NTM: variants seen among roughly 807,000 people sequenced by gnomAD.
NTM encodes IgLON family member 2.
Under a neutral mutation model 42.1 loss-of-function variants are expected in NTM, and 13 were observed. The observed-to-expected ratio is 0.31, with a 90% CI of 0.20 to 0.49. The LOEUF (loss-of-function observed/expected upper bound fraction) is 0.49, where lower values mean the gene tolerates loss of function less well. NTM is among the 20% of genes least tolerant of loss of function. The pLI, the probability that NTM is intolerant of heterozygous loss-of-function variation, is 0.99. For missense variants in NTM, 373 were observed against 452.8 expected (o/e 0.82, Z 1.60); for synonymous variants, 187 against 179.2 (o/e 1.04, Z -0.35).
intron 2 of NTM, among the ~76,000 whole-genome samples, chr11:132,132,979 C>T (rs2067106512): frequency 6.6e-6 from 1 of 152,188 alleles, no homozygotes; most frequent in East Asian, 1.9e-4. Context: ...CAAAATCTTA[C>T]AATCCACTCA....
intron 2 of NTM, among the ~76,000 whole-genome samples, chr11:131,934,805 T>G (rs1207810438): frequency 6.6e-6 from 1 of 152,162 alleles, no homozygotes; most frequent in Non-Finnish European, 1.5e-5. Flanking sequence ...GACCCCTGTG[T>G]GTGCAGCAGC....
intron 1 of NTM, among the ~76,000 whole-genome samples, chr11:131,648,798 A>G (rs1207031982): frequency 6.6e-6 from 1 of 152,222 alleles, no homozygotes; most frequent in Non-Finnish European, 1.5e-5. Flanking sequence ...TTTCCTCACT[A>G]TACTTACTAA....
intron 1 of NTM, among the ~76,000 whole-genome samples, chr11:131,486,271 G>A (rs1954164738): frequency 6.6e-6 from 1 of 152,182 alleles, no homozygotes; most frequent in Non-Finnish European, 1.5e-5. Context: ...GGGGGTGGTT[G>A]TAGCTTTGCT....
chr11:132,177,993 AG>A (rs555297653), intron 3 of NTM, among the ~76,000 whole-genome samples: 228 of 152,350 alleles, frequency 1.5e-3, no homozygotes, highest in African/African-American at 5.1e-3. Context: ...ACATGACAAA[AG>A]AAATGGAAAA....
chr11:132,299,729 G>T (rs182073112), intron 4 of NTM, among the ~76,000 whole-genome samples: 173 of 152,264 alleles, frequency 1.1e-3, no homozygotes, highest in African/African-American at 4.0e-3. Flanking sequence ...ACTGTGTGAG[G>T]TCTGTCCTGC....
intron 2 of NTM, among the ~76,000 whole-genome samples, chr11:132,083,300 T>G (rs546337758): frequency 1.3e-5 from 2 of 152,364 alleles, no homozygotes; most frequent in South Asian, 4.1e-4. Flanking sequence ...CTTATTTTTG[T>G]TAAAAACAAA....
chr11:131,687,115 C>T (rs1013355019), intron 1 of NTM, among the ~76,000 whole-genome samples: 84 of 152,318 alleles, frequency 5.5e-4, no homozygotes, highest in East Asian at 1.9e-4. Flanking sequence ...CAGGTCAGGG[C>T]TCAGTCCCAG....
intron 1 of NTM, among the ~76,000 whole-genome samples, chr11:131,412,267 C>A (rs905108899): frequency 2.0e-5 from 3 of 152,092 alleles, no homozygotes; most frequent in Non-Finnish European, 4.4e-5. Context: ...ACGGACTCAG[C>A]AGGTTAGGAC....
intron 2 of NTM, among the ~76,000 whole-genome samples, chr11:131,999,099 C>A (rs1032003684): frequency 2.6e-5 from 4 of 152,118 alleles, no homozygotes; most frequent in Non-Finnish European, 5.9e-5. Context: ...GGAAGTTTAA[C>A]CATTACCATC....
At chr11:131,475,751 G>T (rs924536671) in intron 1 of NTM, among the ~76,000 whole-genome samples, 4 of 152,158 alleles carry the variant, frequency 2.6e-5, no homozygotes, top group African/African-American at 4.8e-5. Context: ...GGGATTTTAT[G>T]AGATGAGCCA....
chr11:131,911,441 C>T (rs200958909), intron 1 of NTM, 123 bp from the exon 2 acceptor site: 6 of 1,613,306 alleles, frequency 3.7e-6, no homozygotes, highest in South Asian at 1.1e-5. Context: ...GGGCGTGTGC[C>T]GTGCGGCTGC....
intron 2 of NTM, among the ~76,000 whole-genome samples, chr11:132,112,962 T>G (rs2063418239): frequency 6.6e-6 from 1 of 152,178 alleles, no homozygotes; most frequent in African/African-American, 2.4e-5. Context: ...GGAAGATATC[T>G]GAATTCCTGC....
intron 8 of NTM, among the ~76,000 whole-genome samples, chr11:132,333,464 G>A (rs936665637): frequency 1.3e-5 from 2 of 152,162 alleles, no homozygotes; most frequent in African/African-American, 4.8e-5. Context: ...GGTTTCTGTG[G>A]ACACATAGTA....
intron 1 of NTM, among the ~76,000 whole-genome samples, chr11:131,909,014 G>A (rs2054282568): frequency 6.6e-6 from 1 of 152,236 alleles, no homozygotes; most frequent in Non-Finnish European, 1.5e-5. Context: ...AGTAGCAGAT[G>A]AGTTTCCCTG....
chr11:132,281,318 A>G (rs1361265916), intron 4 of NTM, among the ~76,000 whole-genome samples: 1 of 152,194 alleles, frequency 6.6e-6, no homozygotes, highest in Non-Finnish European at 1.5e-5. Flanking sequence ...TAACATTGAT[A>G]CTTTTCTTAA....
intron 1 of NTM, among the ~76,000 whole-genome samples, chr11:131,889,324 T>G (rs559930263): frequency 6.6e-6 from 1 of 152,286 alleles, no homozygotes; most frequent in Admixed American, 6.5e-5. Flanking sequence ...GCCTCCTTCC[T>G]TTTAAGGTAG....
intron 2 of NTM, among the ~76,000 whole-genome samples, chr11:132,024,319 C>A (rs1565970959): frequency 6.6e-6 from 1 of 152,104 alleles, no homozygotes; most frequent in Non-Finnish European, 1.5e-5. Flanking sequence ...GTTGTCCTGG[C>A]CTTCAGTATC....
At chr11:132,127,226 A>C (rs1257178013) in intron 2 of NTM, among the ~76,000 whole-genome samples, 1 of 152,232 alleles carries the variant, frequency 6.6e-6, no homozygotes, top group Non-Finnish European at 1.5e-5. Context: ...CAGGCTTCCC[A>C]GGAAAGTCTT....
chr11:131,479,586 G>T (rs1953329651), intron 1 of NTM, among the ~76,000 whole-genome samples: 1 of 152,224 alleles, frequency 6.6e-6, no homozygotes, highest in Non-Finnish European at 1.5e-5. Context: ...GCACCATATG[G>T]CTCTGGAACA....
Sources: gnomAD v4.1 joint callset for allele counts (sites outside exome capture counted in the v4.1 genomes callset) on GRCh38, gnomAD v4.1.1 for gene constraint, MANE v1.5 for transcripts, NCBI Gene and HGNC (gene_info 2026-07-23, HGNC 2026-07-21) for gene names.